The following SNRPC variants were observed in gnomAD, a reference collection of about 807,000 sequenced individuals.
The protein encoded by SNRPC is small nuclear ribonucleoprotein polypeptide C.
SNRPC carries 5 observed loss-of-function variants against 20.0 expected under a neutral mutation model. The observed-to-expected ratio is 0.25, with a 90% CI of 0.13 to 0.53. The LOEUF (loss-of-function observed/expected upper bound fraction) is 0.53, where lower values mean the gene tolerates loss of function less well. SNRPC is among the 20% of genes least tolerant of loss of function. The probability of loss-of-function intolerance (pLI) is 0.96; values close to 1 mark genes in which losing one functional copy is unlikely to be tolerated. For missense variants in SNRPC, 112 were observed against 224.1 expected, an observed-to-expected ratio of 0.50 and a Z score of 3.19; for synonymous variants, 61 against 58.7, an observed-to-expected ratio of 1.04 and a Z score of -0.18.
At chr6:34,770,028 G>T (rs1188766700) in intron 4 of SNRPC, among the ~76,000 whole-genome samples, 2 of 152,332 alleles carry the variant, frequency 1.3e-5, no homozygotes, top group East Asian at 3.9e-4. Flanking sequence ...TTCAGGACCA[G>T]CCTGACCAAC....
chr6:34,757,681 C>A (rs961078176), intron 1 of SNRPC, 130 bp downstream of exon 1: 1 of 1,369,544 alleles, frequency 7.3e-7, no homozygotes, highest in Admixed American at 1.9e-5. Context: ...TGGACGGAGG[C>A]AGGGAGATGG....
chr6:34,759,590 A>G (rs1177285836), intron 2 of SNRPC, among the ~76,000 whole-genome samples: 1 of 152,240 alleles, frequency 6.6e-6, no homozygotes, highest in Non-Finnish European at 1.5e-5. Flanking sequence ...CACTCAGTGG[A>G]ACTGGCTTTT....
chr6:34,763,810 A>C (rs1259732279), intron 3 of SNRPC, among the ~76,000 whole-genome samples: 1 of 150,692 alleles, frequency 6.6e-6, no homozygotes, highest in South Asian at 2.1e-4. Context: ...TCCACCTCCC[A>C]GGTTCAAGCG....
At position 34,773,131 on chromosome 6, in the gene SNRPC, A is replaced by G. The variant is rs1433156625; in HGVS notation, c.356-315A>G. 4 of 247,392 alleles carry G rather than the reference A, an allele frequency of 1.6e-5. No homozygotes were observed. Among genetic ancestry groups the G allele is most frequent in the African/African-American group, 8.9e-5 (4 of 45,058 alleles). The allele number at this position is 247,392 out of a possible 1,614,324, so 15.3% of individuals were successfully genotyped here. On this transcript the variant is annotated intron_variant, in intron 5 of 5. Transcript: ENST00000244520. This position sits in a 1 kb window ranked among gnomAD's most constrained non-coding sequence, Gnocchi z 4.1. Reference sequence around the variant, plus strand: ...TAGTTGTGAATTTCCCTGAGTGAGAAAAAAAGGTCAGTTTAGGGAACTAGT... The same window carrying G: ...TAGTTGTGAATTTCCCTGAGTGAGAGAAAAAGGTCAGTTTAGGGAACTAGT...
chr6:34,762,568 G>A (rs780339210), intron 2 of SNRPC, 27 bp from the exon 3 acceptor site: 51 of 1,217,434 alleles, frequency 4.2e-5, no homozygotes, highest in East Asian at 7.0e-5. Context: ...TTGTTTCTAC[G>A]TCTGATATGA....
intron 4 of SNRPC, among the ~76,000 whole-genome samples, chr6:34,768,835 T>G (rs1451101102): frequency 6.6e-6 from 1 of 151,724 alleles, no homozygotes; most frequent in East Asian, 1.9e-4. Flanking sequence ...GGGCCCAGCT[T>G]TCTGGGAAAG....
chr6:34,758,646 C>T (rs982200073), intron 2 of SNRPC, among the ~76,000 whole-genome samples: 1 of 152,040 alleles, frequency 6.6e-6, no homozygotes, highest in African/African-American at 2.4e-5. Context: ...ATTTAGTGGT[C>T]TATCTTAAGA....
chr6:34,758,007 A>G, intron 2 of SNRPC, 53 bp downstream of exon 2: 1 of 1,564,858 alleles, frequency 6.4e-7, no homozygotes, highest in South Asian at 1.2e-5. Context: ...TAATAATTAA[A>G]TGAGTTTTGT....
At chr6:34,760,502 C>T (rs1458660233) in intron 2 of SNRPC, among the ~76,000 whole-genome samples, 3 of 152,196 alleles carry the variant, frequency 2.0e-5, no homozygotes, top group Admixed American at 6.5e-5. Flanking sequence ...TAAAACCCCT[C>T]GACATAATTT....
At chr6:34,760,258 C>T (rs1435301764) in intron 2 of SNRPC, among the ~76,000 whole-genome samples, 3 of 151,724 alleles carry the variant, frequency 2.0e-5, no homozygotes, top group African/African-American at 7.3e-5. Flanking sequence ...GATTACAGGC[C>T]TGCACCACCA....
In SNRPC at chr6:34,759,034, A is replaced by AG. The variant is rs1360253217; in HGVS notation, c.51+1080_51+1081insG. On this transcript the variant is annotated intron_variant, in intron 2 of 5. Transcript: ENST00000244520. ...GACTCCGTCTCAAAAAAAAAAAAAA[A>AG]AAAAAAAAAAAGAAAAGAAAACCCA... Among the ~76,000 whole-genome samples, 4 of 150,034 alleles carry AG rather than the reference A, an allele frequency of 2.7e-5. 1 individual carries two copies. Among genetic ancestry groups the AG allele is most frequent in the Admixed American group, 6.6e-5 (1 of 15,090 alleles).
chr6:34,770,898 AG>A (rs1246208239), intron 5 of SNRPC, among the ~76,000 whole-genome samples: 2 of 152,252 alleles, frequency 1.3e-5, no homozygotes, highest in Non-Finnish European at 2.9e-5. Context: ...TATATTAAAA[AG>A]GCTTTCAGCC....
chr6:34,767,899 C>A lies in SNRPC; in HGVS notation c.161-9C>A. ...TCTTTTTTTTTTTTTTTTTCCTCACCCTCCAAAGCGGCTGCATTTCAACAA... is the reference window on the plus strand; with the variant it reads ...TCTTTTTTTTTTTTTTTTTCCTCACACTCCAAAGCGGCTGCATTTCAACAA... On this transcript the variant is annotated splice_polypyrimidine_tract_variant and intron_variant, in intron 3 of 5. Transcript: ENST00000244520. The A allele has an allele frequency of 6.6e-7, 1 of 1,508,688 alleles. No individual in the cohort carries two copies. The highest frequency in any genetic ancestry group is 2.4e-5 in the East Asian group (1 of 42,138). The allele number at this position is 1,508,688 out of a possible 1,614,324, so 93.5% of individuals were successfully genotyped here.
At chr6:34,771,686 C>A (rs560287771) in intron 5 of SNRPC, among the ~76,000 whole-genome samples, 45 of 152,234 alleles carry the variant, frequency 3.0e-4, no homozygotes, top group African/African-American at 1.0e-3. Context: ...GTGACCAACA[C>A]CTACAACTCT....
At position 34,767,985 on chromosome 6, in the gene SNRPC, C is replaced by A; in HGVS notation, c.238C>A (p.Pro80Thr). 2 of 1,610,962 alleles carry A rather than the reference C, an allele frequency of 1.2e-6. No homozygotes were observed. Among genetic ancestry groups the A allele is most frequent in the Non-Finnish European group, 8.5e-7 (1 of 1,178,754 alleles). The change falls in exon 4 of 6, where the codon CCC (proline) becomes ACC (threonine). Residue 80 changes from proline to threonine, a missense_variant. Pro to Thr is a conservative substitution (Grantham distance 38). This residue lies in a region of SNRPC where 45 missense variants were observed against 48.6 expected (regional missense o/e 0.93). Transcript: ENST00000244520. ...PPPAGAMIPP[P>T]PSLPGPPRPG... ...TCCTGCAGGGGCGATGATACCACCTCCCCCCAGCCTTCGTAAGTTTAAACT... is the reference window on the plus strand; with the variant it reads ...TCCTGCAGGGGCGATGATACCACCTACCCCCAGCCTTCGTAAGTTTAAACT...
chr6:34,767,957 T>G lies in SNRPC; in HGVS notation c.210T>G (p.Pro70=). 6.2e-7 allele frequency: 1 copy of G among 1,610,782 alleles called. No individual in the cohort carries two copies. The highest frequency in any genetic ancestry group is 1.7e-5 in the Admixed American group (1 of 59,550). Residue 70 remains proline (P), a synonymous_variant, in exon 4 of 6, where the codon CCT becomes CCG. Transcript: ENST00000244520. ...TACCTCCTACTCCATTCTCTGCTCC[T>G]CCTCCTGCAGGGGCGATGATACCAC... ...GKIPPTPFSA[P]PPAGAMIPPP...
At chr6:34,771,894 C>G (rs1764696417) in intron 5 of SNRPC, among the ~76,000 whole-genome samples, 1 of 152,152 alleles carries the variant, frequency 6.6e-6, no homozygotes, top group African/African-American at 2.4e-5. Context: ...AATTCAAATT[C>G]TTAGAGGTTT....
chr6:34,767,602 ACT>A (rs1305866708), intron 3 of SNRPC, among the ~76,000 whole-genome samples: 2 of 152,164 alleles, frequency 1.3e-5, no homozygotes, highest in Non-Finnish European at 1.5e-5. Flanking sequence ...TGACAGTGAG[ACT>A]CTGTCTCAAA....
At chr6:34,760,360 C>T (rs1358125832) in intron 2 of SNRPC, among the ~76,000 whole-genome samples, 1 of 151,904 alleles carries the variant, frequency 6.6e-6, no homozygotes, top group Non-Finnish European at 1.5e-5. Context: ...GGGAGTGAGT[C>T]ACTGTGTCCG....
Sources: allele counts gnomAD v4.1 joint callset (sites outside exome capture counted in the v4.1 genomes callset), GRCh38; gene constraint gnomAD v4.1.1; regional missense constraint gnomAD v4.1.1; non-coding constraint Gnocchi (gnomAD v3.1); transcripts MANE v1.5; gene names NCBI Gene and HGNC (gene_info 2026-07-23, HGNC 2026-07-21).